CFAP251: variants seen among roughly 807,000 people sequenced by gnomAD.
CFAP251 encodes the protein cilia- and flagella-associated protein 251.
Under a neutral mutation model 126.7 loss-of-function variants are expected in CFAP251, and 93 were observed. The ratio of observed to expected loss-of-function variants is 0.73; its 90% confidence interval spans 0.62 to 0.87. The LOEUF (loss-of-function observed/expected upper bound fraction) is 0.87, where lower values mean the gene tolerates loss of function less well. CFAP251 is among the 40% of genes least tolerant of loss of function. The pLI is 0.00. For synonymous variants in CFAP251, 503 were observed against 506.9 expected, an observed-to-expected ratio of 0.99 and a Z score of 0.10; for missense variants, 1,287 against 1,389.2, an observed-to-expected ratio of 0.93 and a Z score of 1.17.
intron 9 of CFAP251, chr12:121,953,419 C>T (rs577595528): frequency 6.6e-6 from 1 of 152,306 alleles, no homozygotes; most frequent in South Asian, 2.1e-4. Flanking sequence ...TGCAAATGAC[C>T]GTGAGAGTGC....
At chr12:121,958,607 G>A in intron 12 of CFAP251, 85 bp downstream of exon 12, 1 of 1,575,692 alleles carries the variant, frequency 6.3e-7, no homozygotes, top group Non-Finnish European at 8.6e-7. Flanking sequence ...ATAGCTCCAG[G>A]AAGTCTCCCC....
rs370060195 is a variant in CFAP251, at chr12:121,921,479, C to T, written c.174C>T (p.Gly58=). Residue 58 remains glycine, a synonymous_variant, in exon 2 of 22, where the codon GGC becomes GGT. Coordinates refer to ENST00000288912, the MANE Select transcript of CFAP251 (RefSeq NM_144668.6). ...CTCAGGAGGAGGAGAGGAAAACGGG[C>T]GAGGAGGAAGGGGAGGAGGAGGGGA... ...RESQEEERKT[G]EEEGEEEGKE... is the part of the protein sequence containing the mutation. 28 of 429,582 alleles carry T rather than the reference C, an allele frequency of 6.5e-5. No homozygotes were observed. The highest frequency in any genetic ancestry group is 2.2e-4 in the African/African-American group (4 of 18,034). 26.6% of individuals were successfully genotyped at this position (429,582 alleles called of 1,614,324 possible).
intron 5 of CFAP251, 82 bp from the exon 6 acceptor site, chr12:121,942,452 G>A: frequency 3.3e-6 from 3 of 905,568 alleles, no homozygotes; most frequent in Non-Finnish European, 5.2e-6. Context: ...AGAGGTTTGG[G>A]CTGAGCTCAG....
chr12:121,930,171 CA>C (rs1487616433), intron 3 of CFAP251, among the ~76,000 whole-genome samples: 1 of 151,908 alleles, frequency 6.6e-6, no homozygotes, highest in Non-Finnish European at 1.5e-5. Context: ...GGATGTGCCA[CA>C]GTTGGTTTAT....
At chr12:121,939,483 G>T (rs1881021793) in intron 5 of CFAP251, among the ~76,000 whole-genome samples, 1 of 152,152 alleles carries the variant, frequency 6.6e-6, no homozygotes, top group Non-Finnish European at 1.5e-5. Flanking sequence ...TGAAGCCTTT[G>T]CTGACCAACA....
chr12:121,977,766 T>A (rs189631672), intron 19 of CFAP251, among the ~76,000 whole-genome samples: 1 of 150,234 alleles, frequency 6.7e-6, no homozygotes, highest in Non-Finnish European at 1.5e-5. Flanking sequence ...CCATCCTGGC[T>A]AACACGGTGA....
intron 19 of CFAP251, among the ~76,000 whole-genome samples, chr12:121,996,175 A>G (rs1883018232): frequency 6.6e-6 from 1 of 152,194 alleles, no homozygotes; most frequent in Non-Finnish European, 1.5e-5. Flanking sequence ...GTACAAATAG[A>G]GATTAAATTC....
rs1338560645 is a variant in CFAP251 at position 121,989,497 on chromosome 12, G to A, written c.3007-10219G>A. ...TTGGGGTCACAGTGTTGCATGAATC[G>A]CAGAGGGGGCGCTCACAGGGGTCTC... On this transcript the variant is annotated intron_variant, in intron 19 of 21. Transcript: ENST00000288912. The surrounding 1 kb of genome is among the most constrained non-coding windows in gnomAD (Gnocchi z 4.2). 2.6e-5 allele frequency among the ~76,000 whole-genome samples: 4 copies of A among 152,222 alleles called. No individual in the cohort carries two copies. Among genetic ancestry groups the A allele is most frequent in the Admixed American group, 6.5e-5 (1 of 15,284 alleles).
At chr12:121,927,188 GTT>G (rs36117069) in intron 3 of CFAP251, among the ~76,000 whole-genome samples, 2 of 143,708 alleles carry the variant, frequency 1.4e-5, no homozygotes, top group Admixed American at 7.0e-5. Flanking sequence ...TGTTGTTTAG[GTT>G]TTTTTTTTTT....
chr12:121,946,114 A>G (rs1210229622), intron 7 of CFAP251, among the ~76,000 whole-genome samples: 4 of 152,190 alleles, frequency 2.6e-5, no homozygotes, highest in African/African-American at 7.2e-5. Flanking sequence ...AATGTCTACC[A>G]TCCTGATTAT....
At position 121,998,432 on chromosome 12, in the gene CFAP251, AATATATATATATATATATAT is replaced by A. The variant is rs71082926; in HGVS notation, c.3007-1247_3007-1228del. On this transcript the variant is annotated intron_variant, in intron 19 of 21. Coordinates refer to ENST00000288912, the MANE Select transcript of CFAP251 (RefSeq NM_144668.6). Reference sequence around the variant, plus strand: ...TACCAGTTCTAATAGTTTTTAGTGTAATATATATATATATATATATATATATATATATATATATATATATA... The same window carrying A: ...TACCAGTTCTAATAGTTTTTAGTGTAATATATATATATATATATATATATA... The A allele has an allele frequency of 7.5e-3, 644 of 85,608 alleles. 9 individuals are homozygous for A. The highest frequency in any genetic ancestry group is 0.014 in the Middle Eastern group (2 of 138). The allele number at this position is 85,608 out of a possible 1,614,324, so 5.3% of individuals were successfully genotyped here.
chr12:121,978,393 CAAAAAAAAAAAAAAA>C (rs10642280), intron 19 of CFAP251, among the ~76,000 whole-genome samples: 1 of 42,120 alleles, frequency 2.4e-5, no homozygotes, highest in Admixed American at 2.9e-4. Context: ...GACTCTGTCT[CAAAAAAAAAAAAAAA>C]AAAAAAAAAA....
At chr12:121,973,219 GC>G (rs1377514079) in intron 17 of CFAP251, among the ~76,000 whole-genome samples, 5 of 152,264 alleles carry the variant, frequency 3.3e-5, no homozygotes, top group Non-Finnish European at 7.3e-5. Flanking sequence ...GAGGGTGGAA[GC>G]CCCAAGCCTT....
chr12:121,930,888 A>G (rs1398179495), intron 3 of CFAP251, among the ~76,000 whole-genome samples: 1 of 151,954 alleles, frequency 6.6e-6, no homozygotes, highest in African/African-American at 2.4e-5. Flanking sequence ...AGCTGGGAGT[A>G]AAGGTGCGTG....
intron 14 of CFAP251, among the ~76,000 whole-genome samples, chr12:121,961,347 T>C (rs1175329529): frequency 7.5e-6 from 1 of 133,542 alleles, no homozygotes; most frequent in Non-Finnish European, 1.6e-5. Context: ...TCCCCTTCCT[T>C]CCTTTATTCA....
At chr12:121,980,880 A>G (rs1882604014) in intron 19 of CFAP251, among the ~76,000 whole-genome samples, 1 of 152,214 alleles carries the variant, frequency 6.6e-6, no homozygotes, top group Non-Finnish European at 1.5e-5. Context: ...GCCTGGCTGC[A>G]GTTCCCAGCC....
chr12:121,966,800 G>A (rs1212607648), intron 15 of CFAP251, among the ~76,000 whole-genome samples, 155 bp from the exon 16 acceptor site: 4 of 151,914 alleles, frequency 2.6e-5, no homozygotes, highest in African/African-American at 9.7e-5. Flanking sequence ...TGGCCAGGCT[G>A]GTCTCAAACT....
Position 121,954,636 on chromosome 12 carries a change from T to TAAAAAAAAAA in CFAP251, c.1535+325_1535+334dup, listed in dbSNP as rs1174239421. 1.5e-3 allele frequency among the ~76,000 whole-genome samples: 61 copies of TAAAAAAAAAA among 41,982 alleles called. 16 individuals are homozygous for TAAAAAAAAAA. Among genetic ancestry groups the TAAAAAAAAAA allele is most frequent in the Non-Finnish European group, 2.0e-3 (50 of 25,040 alleles). The allele number at this position is 41,982 out of a possible 152,430, so 27.5% of individuals were successfully genotyped here. On this transcript the variant is annotated intron_variant, in intron 10 of 21. Transcript: ENST00000288912. The stretch of plus-strand genomic sequence containing the variant: ...GTGTTAGAGTGAGACCCTCCTGTCT[T>TAAAAAAAAAA]AAAAAAAAAAAAAAAAAAAAAAAAA...
chr12:121,924,119 T>G (rs1880306460), intron 3 of CFAP251, 129 bp downstream of exon 3: 4 of 968,222 alleles, frequency 4.1e-6, no homozygotes, highest in Non-Finnish European at 4.3e-6. Flanking sequence ...TAGACTTGTG[T>G]TTTTTTTTTT....
Sources: gnomAD v4.1 joint callset for allele counts (sites outside exome capture counted in the v4.1 genomes callset) on GRCh38, gnomAD v4.1.1 for gene constraint, Gnocchi (gnomAD v3.1) non-coding constraint, MANE v1.5 for transcripts, NCBI Gene and HGNC (gene_info 2026-07-23, HGNC 2026-07-21) for gene names.